MAGEA4: variants seen among roughly 807,000 people sequenced by gnomAD.
MAGEA4 encodes the protein melanoma-associated antigen 4.
MAGEA4 carries 1 observed loss-of-function variant against 13.7 expected under a neutral mutation model. The observed-to-expected ratio is 0.07, with a 90% CI of 0.03 to 0.35. MAGEA4 has a LOEUF of 0.35. Among genes scored for constraint, MAGEA4 ranks in the 10% least tolerant of loss-of-function variants. The pLI, the probability that MAGEA4 is intolerant of heterozygous loss-of-function variation, is 0.99. For synonymous variants in MAGEA4, 132 were observed against 101.1 expected (o/e 1.31, Z -1.83); for missense variants, 312 against 245.1 (o/e 1.27, Z -1.82).
At chrX:151,921,438 C>T (rs1933433120) in intron 1 of MAGEA4, among the ~76,000 whole-genome samples, 1 of 112,289 alleles carries the variant, frequency 8.9e-6, no homozygotes, top group Non-Finnish European at 1.9e-5. Context: ...TCCTGGACCA[C>T]CCGGGGGAAG....
chrX:151,924,408 C>T lies in MAGEA4; in HGVS notation c.744C>T (p.Thr248=), dbSNP rs1312235783. The T allele has an allele frequency of 3.6e-5, 44 of 1,209,275 alleles. No homozygotes were observed. Among genetic ancestry groups the T allele is most frequent in the Non-Finnish European group, 4.7e-5 (42 of 894,801 alleles). ...ATGGGGAGCCCAGGAAACTGCTCACCCAAGATTGGGTGCAGGAAAACTACC... is the reference window on the plus strand; with the variant it reads ...ATGGGGAGCCCAGGAAACTGCTCACTCAAGATTGGGTGCAGGAAAACTACC... ...TVYGEPRKLL[T]QDWVQENYLE... is the part of the protein sequence containing the mutation. The change falls in exon 3 of 3, where the codon ACC becomes ACT. Residue 248 remains threonine (T), a synonymous_variant. Coordinates refer to ENST00000276344, the MANE Select transcript of MAGEA4 (RefSeq NM_001011548.1).
In MAGEA4 at chrX:151,920,992, CAG is replaced by C. The variant is rs1290198829; in HGVS notation, c.-137-2460_-137-2459del. Among the ~76,000 whole-genome samples, 23 of 111,814 alleles carry C rather than the reference CAG, an allele frequency of 2.1e-4. No homozygotes were observed. In the Admixed American group the frequency reaches 2.2e-3, roughly 11 times the overall value. On this transcript the variant is annotated intron_variant, in intron 1 of 2. Coordinates refer to ENST00000276344, the MANE Select transcript of MAGEA4 (RefSeq NM_001011548.1). ...CTTCGCAACGCGTTTGTTTAAGCCA[CAG>C]GGGACTCTGGAGTCAGAGGTTGGTG...
intron 1 of MAGEA4, among the ~76,000 whole-genome samples, chrX:151,921,717 C>T (rs1933448920): frequency 8.9e-6 from 1 of 112,269 alleles, no homozygotes; most frequent in Non-Finnish European, 1.9e-5. Flanking sequence ...CGGATCTTGA[C>T]ATCCACATCG....
chrX:151,919,669 C>G (rs1372252655), intron 1 of MAGEA4: 1 of 751,495 alleles, frequency 1.3e-6, no homozygotes, highest in East Asian at 1.5e-4. Flanking sequence ...CTCTGTCTGA[C>G]CAGCAGCTTG....
Position 151,923,473 on chromosome X carries a change from C to A in MAGEA4, c.-117C>A. 1 of 1,194,095 alleles carries A rather than the reference C, an allele frequency of 8.4e-7. No homozygotes were observed. Among genetic ancestry groups the A allele is most frequent in the Non-Finnish European group, 1.1e-6 (1 of 888,104 alleles). ...TTCAGGTTCTGAGCAGACAGGCCAA[C>A]CGGAGGACAGGATTCCCTGGAGGCC... On this transcript the variant is annotated 5_prime_UTR_variant, in exon 2 of 3. Transcript: ENST00000276344.
At chrX:151,919,853 C>T (rs942742711) in intron 1 of MAGEA4, 1 of 525,989 alleles carries the variant, frequency 1.9e-6, no homozygotes, top group Non-Finnish European at 2.3e-6. Context: ...CCCACCACCC[C>T]ACTGCCTCTG....
chrX:151,915,852 A>G (rs1443490423), intron 1 of MAGEA4, among the ~76,000 whole-genome samples: 3 of 32,249 alleles, frequency 9.3e-5, no homozygotes, highest in African/African-American at 1.9e-4. Context: ...CCGGGCATCA[A>G]TCTCAGGACC....
intron 1 of MAGEA4, among the ~76,000 whole-genome samples, chrX:151,921,809 T>C (rs1933455427): frequency 9.4e-6 from 1 of 106,436 alleles, no homozygotes; most frequent in Middle Eastern, 5.3e-3. Context: ...TCCTGGGAGA[T>C]GAGGAAGGCC....
intron 1 of MAGEA4, among the ~76,000 whole-genome samples, chrX:151,919,963 C>T (rs963494634): frequency 7.6e-5 from 8 of 105,835 alleles, no homozygotes; most frequent in Non-Finnish European, 1.4e-4. Flanking sequence ...TAAGAGAGGG[C>T]CGAGGGTCCC....
chrX:151,919,818 T>G (rs918946327), intron 1 of MAGEA4: 44 of 703,297 alleles, frequency 6.3e-5, no homozygotes, highest in Non-Finnish European at 6.9e-5. Flanking sequence ...GGGCCACTCG[T>G]GGGGGGACTT....
intron 1 of MAGEA4, among the ~76,000 whole-genome samples, chrX:151,920,274 G>A (rs1933361484): frequency 9.1e-6 from 1 of 110,365 alleles, no homozygotes; most frequent in Non-Finnish European, 1.9e-5. Flanking sequence ...TCCAGGCTCT[G>A]TGAGGTGGCA....
intron 1 of MAGEA4, among the ~76,000 whole-genome samples, chrX:151,922,647 G>A (rs1327388922): frequency 8.9e-6 from 1 of 111,935 alleles, no homozygotes; most frequent in Non-Finnish European, 1.9e-5. Context: ...GAATGTGAGG[G>A]AGGATTGAGG....
upstream of MAGEA4, chrX:151,912,549 G>A (rs1932954611): frequency 2.7e-6 from 1 of 363,696 alleles, no homozygotes; most frequent in South Asian, 2.5e-5. Flanking sequence ...CAAGGTGGGG[G>A]CAGGCTGTGC....
intron 1 of MAGEA4, among the ~76,000 whole-genome samples, chrX:151,917,984 T>C (rs1237409767): frequency 3.0e-4 from 20 of 65,739 alleles, no homozygotes; most frequent in African/African-American, 1.1e-3. Context: ...TTTGCACTCC[T>C]AAACCCATCC....
chrX:151,924,179 C>G lies in MAGEA4; in HGVS notation c.515C>G (p.Pro172Arg). 8.3e-7 allele frequency: 1 copy of G among 1,211,911 alleles called. No homozygotes were observed. Among genetic ancestry groups the G allele is most frequent in the African/African-American group, 1.7e-5 (1 of 57,925 alleles). Residue 172 changes from proline (P) to arginine (R), a missense_variant, in exon 3 of 3, where the codon CCC becomes CGC. By Grantham distance (103) the Pro-to-Arg change is moderately radical. Coordinates refer to ENST00000276344, the MANE Select transcript of MAGEA4 (RefSeq NM_001011548.1). ...GGCATTGACGTGAAGGAAGTGGACC[C>G]CGCCAGCAACACCTACACCCTTGTC... is the stretch of plus-strand genomic sequence containing the variant. ...IFGIDVKEVD[P>R]ASNTYTLVTC...
rs754939586 is a variant in MAGEA4, at chrX:151,919,869, G to T, written c.-137-3584G>T. On this transcript the variant is annotated intron_variant, in intron 1 of 2. Transcript: ENST00000276344. ...CCACCACCCCACTGCCTCTGAAGTC[G>T]CACGGGACTCTGCAGTCAGAGCTTG... 2.2e-5 allele frequency: 9 copies of T among 410,288 alleles called. 1 individual carries two copies. The South Asian group carries it at 1.0e-3, about 47-fold the overall frequency. 33.8% of individuals were successfully genotyped at this position (410,288 alleles called of 1,213,427 possible). A position where few individuals can be genotyped will look rare whatever the true frequency, so the allele number is the denominator to read the frequency against.
In MAGEA4 at chrX:151,913,502, G is replaced by C. The variant is rs113700529; in HGVS notation, c.-138+533G>C. Reference sequence around the variant, plus strand: ...ATGTGATGCCACTGACTTGCGCATTGGGGGTTAGAGAGAAGCGAGCTGCTC... The same window carrying C: ...ATGTGATGCCACTGACTTGCGCATTCGGGGTTAGAGAGAAGCGAGCTGCTC... On this transcript the variant is annotated intron_variant, in intron 1 of 2. Transcript: ENST00000276344. The C allele has an allele frequency of 0.015, 10,828 of 728,667 alleles. 952 individuals carry two copies. In the African/African-American group the frequency reaches 0.24, roughly 16 times the overall value. 60.1% of individuals were successfully genotyped at this position (728,667 alleles called of 1,213,427 possible). A position where few individuals can be genotyped will look rare whatever the true frequency, so the allele number is the denominator to read the frequency against.
chrX:151,920,620 C>T (rs1358533220), intron 1 of MAGEA4, among the ~76,000 whole-genome samples: 2 of 96,085 alleles, frequency 2.1e-5, no homozygotes, highest in East Asian at 6.7e-4. Flanking sequence ...ACCTGTGCCC[C>T]TATCCTCCCC....
Position 151,924,160 on chromosome X carries a change from G to A in MAGEA4, c.496G>A (p.Asp166Asn). The change falls in exon 3 of 3, where the codon GAC becomes AAC. Residue 166 changes from aspartate to asparagine, a missense_variant. Coordinates refer to ENST00000276344, the MANE Select transcript of MAGEA4 (RefSeq NM_001011548.1). ...SESLKMIFGI[D>N]VKEVDPASNT... Reference sequence around the variant, plus strand: ...GTCCCTGAAGATGATCTTTGGCATTGACGTGAAGGAAGTGGACCCCGCCAG... The same window carrying A: ...GTCCCTGAAGATGATCTTTGGCATTAACGTGAAGGAAGTGGACCCCGCCAG... 8.3e-7 allele frequency: 1 copy of A among 1,212,102 alleles called. No individual in the cohort carries two copies.
Sources: allele counts gnomAD v4.1 joint callset (sites outside exome capture counted in the v4.1 genomes callset), GRCh38; gene constraint gnomAD v4.1.1; transcripts MANE v1.5; gene names NCBI Gene and HGNC (gene_info 2026-07-23, HGNC 2026-07-21).